The following PPM1H variants were observed in gnomAD, a reference collection of about 807,000 sequenced individuals.
PPM1H encodes protein phosphatase 1H.
In PPM1H, 27 loss-of-function variants were observed where a neutral mutation model predicts 54.9. The ratio of observed to expected loss-of-function variants is 0.49; its 90% CI spans 0.36 to 0.68. PPM1H has a LOEUF of 0.68. Ranked by LOEUF, PPM1H falls within the 30% of genes least tolerant of loss-of-function variation. The pLI, the probability that PPM1H is intolerant of heterozygous loss-of-function variation, is 0.00. For missense variants in PPM1H, 596 were observed against 667.8 expected (o/e 0.89, Z 1.19); for synonymous variants, 305 against 270.8 (o/e 1.13, Z -1.24).
intron 1 of PPM1H, among the ~76,000 whole-genome samples, chr12:62,912,995 T>C (rs778577540): frequency 5.3e-5 from 8 of 152,186 alleles, no homozygotes; most frequent in Non-Finnish European, 1.2e-4. Flanking sequence ...CAAATATAAA[T>C]GCAGGCTCAT....
intron 8 of PPM1H, among the ~76,000 whole-genome samples, chr12:62,668,641 T>G (rs773281047): frequency 6.6e-6 from 1 of 152,108 alleles, no homozygotes; most frequent in African/African-American, 2.4e-5. Context: ...CCTCCCAAAG[T>G]GCTGGGGTTA....
At chr12:62,796,274 G>A (rs1017156824) in intron 3 of PPM1H, among the ~76,000 whole-genome samples, 7 of 152,134 alleles carry the variant, frequency 4.6e-5, no homozygotes, top group Admixed American at 4.6e-4. Flanking sequence ...GCGTCCTCCA[G>A]TTCAATTCCA....
Position 62,832,255 on chromosome 12 carries a change from T to C in PPM1H, c.270A>G (p.Thr90=). 6.2e-7 allele frequency: 1 copy of C among 1,613,040 alleles called. No individual in the cohort carries two copies. Among genetic ancestry groups the C allele is most frequent in the Non-Finnish European group, 8.5e-7 (1 of 1,179,514 alleles). ...YAEVINAGKS[T]HNEDQASCEV... ...CACAGCTGGCTTGGTCTTCATTGTG[T>C]GTGCTCTTCCCGGCATTGATAACCC... The change falls in exon 2 of 10, where the codon ACA becomes ACG. Residue 90 remains threonine (T), a synonymous_variant. Coordinates refer to ENST00000228705, the MANE Select transcript of PPM1H (RefSeq NM_020700.2).
intron 1 of PPM1H, among the ~76,000 whole-genome samples, chr12:62,893,183 G>A (rs77989100): frequency 0.011 from 1,745 of 152,284 alleles, 19 homozygotes; most frequent in Non-Finnish European, 0.018. Flanking sequence ...CCAAAGCTAT[G>A]AGGCCTAAAG....
intron 1 of PPM1H, among the ~76,000 whole-genome samples, chr12:62,923,795 C>T (rs1871880959): frequency 6.6e-6 from 1 of 152,180 alleles, no homozygotes; most frequent in Non-Finnish European, 1.5e-5. Flanking sequence ...AAAACCTCAG[C>T]CCTGAGGGCA....
intron 1 of PPM1H, among the ~76,000 whole-genome samples, chr12:62,884,484 A>G (rs1870510110): frequency 6.8e-6 from 1 of 148,100 alleles, no homozygotes; most frequent in Non-Finnish European, 1.5e-5. Context: ...CTGGGCAACA[A>G]GAATGAAACT....
chr12:62,701,402 C>T (rs1330412053), intron 6 of PPM1H, among the ~76,000 whole-genome samples: 3 of 152,200 alleles, frequency 2.0e-5, no homozygotes, highest in African/African-American at 7.2e-5. Flanking sequence ...AGTTATAGGA[C>T]TTCTCCACCA....
intron 1 of PPM1H, among the ~76,000 whole-genome samples, chr12:62,931,306 C>T (rs1327947067): frequency 6.6e-6 from 1 of 152,198 alleles, no homozygotes; most frequent in Non-Finnish European, 1.5e-5. Context: ...ACCTATTCAA[C>T]CCCTCTCAGG....
At chr12:62,745,436 A>T (rs1194790258) in intron 4 of PPM1H, among the ~76,000 whole-genome samples, 1 of 152,114 alleles carries the variant, frequency 6.6e-6, no homozygotes, top group Non-Finnish European at 1.5e-5. Flanking sequence ...TTTGAAGAGG[A>T]ACTGATTTGT....
rs145949867 is a variant in PPM1H at position 62,645,528 on chromosome 12, C to T, written c.*2961G>A. 5.9e-5 allele frequency: 9 copies of T among 152,540 alleles called. No individual in the cohort carries two copies. The highest frequency in any genetic ancestry group is 1.7e-4 in the African/African-American group (7 of 41,578). The allele number at this position is 152,540 out of a possible 1,614,324, so 9.4% of individuals were successfully genotyped here. A position where few individuals can be genotyped will look rare whatever the true frequency, so the allele number is the denominator to read the frequency against. On this transcript the variant is annotated 3_prime_UTR_variant, in exon 10 of 10. Coordinates refer to ENST00000228705, the MANE Select transcript of PPM1H (RefSeq NM_020700.2). ...TAACCACAGCAGAACACACCCTCCACCTCTCTGACTGCTGACACTGGCTAC... is the reference window on the plus strand; with the variant it reads ...TAACCACAGCAGAACACACCCTCCATCTCTCTGACTGCTGACACTGGCTAC...
intron 5 of PPM1H, among the ~76,000 whole-genome samples, chr12:62,736,870 T>C (rs937138737): frequency 3.3e-5 from 5 of 152,228 alleles, no homozygotes; most frequent in African/African-American, 1.2e-4. Context: ...CTAATACCCT[T>C]GCCCCTGGAA....
intron 4 of PPM1H, among the ~76,000 whole-genome samples, chr12:62,741,721 G>A (rs980218534): frequency 8.5e-5 from 13 of 152,058 alleles, no homozygotes; most frequent in Admixed American, 2.0e-4. Flanking sequence ...ACTACCCCGC[G>A]GATATTTTCC....
intron 1 of PPM1H, among the ~76,000 whole-genome samples, chr12:62,869,987 T>C (rs1869922386): frequency 6.6e-6 from 1 of 152,072 alleles, no homozygotes; most frequent in Non-Finnish European, 1.5e-5. Context: ...GTTTAGATGC[T>C]CCCAGTACCC....
intron 3 of PPM1H, among the ~76,000 whole-genome samples, chr12:62,801,593 A>T (rs1262411897): frequency 1.3e-5 from 2 of 152,158 alleles, no homozygotes; most frequent in Non-Finnish European, 2.9e-5. Context: ...AGCGTGAGCC[A>T]CCGCACTCAG....
chr12:62,649,480 T>TA (rs1022507008), intron 9 of PPM1H, among the ~76,000 whole-genome samples: 2 of 152,046 alleles, frequency 1.3e-5, no homozygotes. Flanking sequence ...CCCTGAGGCA[T>TA]AAAAAAATGA....
At chr12:62,894,494 A>T (rs1673251181) in intron 1 of PPM1H, among the ~76,000 whole-genome samples, 1 of 152,178 alleles carries the variant, frequency 6.6e-6, no homozygotes, top group African/African-American at 2.4e-5. Context: ...CCCCAAAACA[A>T]ATCCCAGGAA....
At chr12:62,716,735 G>T (rs1413878522) in intron 6 of PPM1H, among the ~76,000 whole-genome samples, 1 of 152,048 alleles carries the variant, frequency 6.6e-6, no homozygotes, top group Admixed American at 6.6e-5. Flanking sequence ...TCCTTATGTT[G>T]CCCAGGCTGG....
At chr12:62,724,075 A>C (rs1042341791) in intron 5 of PPM1H, among the ~76,000 whole-genome samples, 4 of 152,196 alleles carry the variant, frequency 2.6e-5, no homozygotes, top group African/African-American at 9.7e-5. Flanking sequence ...TGCCAAGATG[A>C]TGCTGAACAA....
chr12:62,931,229 A>G (rs1456603303), intron 1 of PPM1H, among the ~76,000 whole-genome samples: 2 of 152,168 alleles, frequency 1.3e-5, no homozygotes, highest in Non-Finnish European at 2.9e-5. Context: ...AGGTAAACAG[A>G]TCACTTCTGA....
Sources: gnomAD v4.1 joint callset for allele counts (sites outside exome capture counted in the v4.1 genomes callset) on GRCh38, gnomAD v4.1.1 for gene constraint, MANE v1.5 for transcripts, NCBI Gene and HGNC (gene_info 2026-07-23, HGNC 2026-07-21) for gene names.